Variants in SLC67A1 observed in about 807,000 individuals in gnomAD.
The protein encoded by SLC67A1 is solute carrier family 67 member A1.
chr11:2,908,446 C>T, the SLC67A1 span: 34 of 710,284 alleles, frequency 4.8e-5, no homozygotes, highest in Non-Finnish European at 5.5e-5. Context: ...CCTGGGATGA[C>T]GGCACTCCTG....
At chr11:2,918,027 C>A in the SLC67A1 span, 1 of 1,613,654 alleles carries the variant, frequency 6.2e-7, no homozygotes, top group African/African-American at 1.3e-5. Context: ...AAGGCCATCG[C>A]CTCCCTGCTG....
chr11:2,908,302 C>T, the SLC67A1 span: 2 of 1,613,692 alleles, frequency 1.2e-6, no homozygotes, highest in Non-Finnish European at 1.7e-6. Flanking sequence ...CGGGGTGCTG[C>T]AGCTGCTGGG....
chr11:2,920,353 C>T, the SLC67A1 span: 1 of 152,340 alleles, frequency 6.6e-6, no homozygotes, highest in Non-Finnish European at 1.5e-5. Flanking sequence ...TAGTAACAAT[C>T]CGGGGTTGTT....
At chr11:2,917,949 C>T in the SLC67A1 span, 1 of 1,530,096 alleles carries the variant, frequency 6.5e-7, no homozygotes, top group Non-Finnish European at 9.0e-7. Flanking sequence ...GGCATTGGGA[C>T]AATGGCCTTT....
chr11:2,922,452 T>C, the SLC67A1 span: 1 of 1,611,616 alleles, frequency 6.2e-7, no homozygotes, highest in Non-Finnish European at 8.5e-7. Flanking sequence ...ATGTCCAGCG[T>C]CTTCCACTTC....
At chr11:2,922,361 G>T in the SLC67A1 span, 1 of 1,573,578 alleles carries the variant, frequency 6.4e-7, no homozygotes, top group Non-Finnish European at 8.6e-7. Flanking sequence ...GGGTGGGGAG[G>T]GACAGGTAAG....
chr11:2,914,714 A>G, the SLC67A1 span: 1 of 985,386 alleles, frequency 1.0e-6, no homozygotes, highest in Non-Finnish European at 1.2e-6. Flanking sequence ...TAAAATAGCC[A>G]TCGAAGTGGT....
the SLC67A1 span, among the ~76,000 whole-genome samples, chr11:2,924,801 G>T: frequency 6.6e-6 from 1 of 152,146 alleles, no homozygotes; most frequent in Non-Finnish European, 1.5e-5. The surrounding 1 kb of genome is among the most constrained non-coding windows in gnomAD (Gnocchi z 8.6). Flanking sequence ...GGCTGGGCGG[G>T]TGGCAGGGGG....
chr11:2,905,195 T>C, the SLC67A1 span, among the ~76,000 whole-genome samples: 1 of 152,108 alleles, frequency 6.6e-6, no homozygotes. Flanking sequence ...ATGGAGACGG[T>C]CATGGGCTGG....
chr11:2,920,495 T>A, the SLC67A1 span: 1 of 152,340 alleles, frequency 6.6e-6, no homozygotes, highest in Admixed American at 6.5e-5. Flanking sequence ...GACTTGGGCC[T>A]GCCATGGCTG....
At chr11:2,910,808 C>T in the SLC67A1 span, among the ~76,000 whole-genome samples, 314 of 152,250 alleles carry the variant, frequency 2.1e-3, 1 homozygote, top group African/African-American at 7.1e-3. Context: ...TGGCGCCTTG[C>T]GCAGAGGCCC....
At chr11:2,922,300 C>T in the SLC67A1 span, 3 of 1,494,604 alleles carry the variant, frequency 2.0e-6, no homozygotes, top group Non-Finnish European at 2.8e-6. Context: ...GGGGACTCCT[C>T]CAGCCCCCCA....
At chr11:2,915,757 C>A in the SLC67A1 span, among the ~76,000 whole-genome samples, 1 of 152,230 alleles carries the variant, frequency 6.6e-6, no homozygotes, top group African/African-American at 2.4e-5. Flanking sequence ...GCCTTACAGA[C>A]GAGCTCAGTA....
the SLC67A1 span, among the ~76,000 whole-genome samples, chr11:2,912,799 G>A: frequency 4.4e-4 from 67 of 152,320 alleles, no homozygotes; most frequent in African/African-American, 1.6e-3. Flanking sequence ...GACTGGGGAG[G>A]GATGGGGAGG....
At chr11:2,900,896 A>C in the SLC67A1 span, among the ~76,000 whole-genome samples, 2 of 152,178 alleles carry the variant, frequency 1.3e-5, no homozygotes, top group East Asian at 1.9e-4. Flanking sequence ...CCTTCTGGGC[A>C]TGGAGCAGGA....
the SLC67A1 span, among the ~76,000 whole-genome samples, chr11:2,913,561 G>A: frequency 6.6e-6 from 1 of 152,190 alleles, no homozygotes; most frequent in African/African-American, 2.4e-5. Context: ...AGCTGCGTTA[G>A]GAGTGGCATG....
the SLC67A1 span, chr11:2,909,891 C>T: frequency 4.7e-6 from 3 of 637,892 alleles, no homozygotes; most frequent in African/African-American, 2.0e-5. Context: ...CCCGGGCTGG[C>T]TGGCCCTGGA....
the SLC67A1 span, among the ~76,000 whole-genome samples, chr11:2,913,048 G>A: frequency 1.1e-4 from 17 of 152,304 alleles, no homozygotes; most frequent in South Asian, 2.1e-3. Flanking sequence ...CACCCCAAGC[G>A]CTGAGCGGAG....
At chr11:2,903,859 G>A in the SLC67A1 span, 29,453 of 225,194 alleles carry the variant, frequency 0.13, 2,694 homozygotes, top group Non-Finnish European at 0.17. Flanking sequence ...GGCTCTGGGC[G>A]GATCACCCCT....
Sources: allele counts gnomAD v4.1 joint callset (sites outside exome capture counted in the v4.1 genomes callset), GRCh38; gene constraint gnomAD v4.1.1; non-coding constraint Gnocchi (gnomAD v3.1); transcripts MANE v1.5; gene names NCBI Gene and HGNC (gene_info 2026-07-23, HGNC 2026-07-21).